The following HRH1 variants were observed in gnomAD, a reference collection of about 807,000 sequenced individuals.
HRH1 encodes histamine receptor H1, also known as histamine H1 receptor.
A neutral mutation model predicts 10.3 loss-of-function variants in HRH1; 6 were observed. The ratio of observed to expected loss-of-function variants is 0.58; its 90% CI spans 0.32 to 1.15. HRH1 has a LOEUF of 1.15. HRH1 is among the 50% of genes most tolerant of loss of function. The probability of loss-of-function intolerance (pLI) is 0.05; values close to 1 mark genes in which losing one functional copy is unlikely to be tolerated. For synonymous variants in HRH1, 242 were observed against 236.7 expected (o/e 1.02, Z -0.21); for missense variants, 514 against 615.3 (o/e 0.84, Z 1.74).
chr3:11,162,870 G>T (rs1574981983), intron 1 of HRH1, among the ~76,000 whole-genome samples: 2 of 152,228 alleles, frequency 1.3e-5, no homozygotes, highest in South Asian at 4.1e-4. Context: ...GTTTTGTTTT[G>T]TTTTTTGTAA....
At chr3:11,174,548 C>T (rs1031097578) in intron 1 of HRH1, among the ~76,000 whole-genome samples, 7 of 152,186 alleles carry the variant, frequency 4.6e-5, no homozygotes, top group South Asian at 2.1e-4. Context: ...AAGAGAAAAA[C>T]ACAGCTTCTG....
In HRH1 at chr3:11,219,950, G is replaced by T. The variant is rs200005764; in HGVS notation, c.-35-39053G>T. On this transcript the variant is annotated intron_variant, in intron 1 of 1. Transcript: ENST00000431010. ...TTTAATTGTGGTAACTTAATGTGTTGTTTTTTTTTTTTTTTTTTTTACAAT... is the reference window on the plus strand; with the variant it reads ...TTTAATTGTGGTAACTTAATGTGTTTTTTTTTTTTTTTTTTTTTTTACAAT... Among the ~76,000 whole-genome samples the T allele has an allele frequency of 2.4e-3, 267 of 110,170 alleles. 2 individuals carry two copies. The highest frequency in any genetic ancestry group is 0.01 in the Middle Eastern group (2 of 194). 72.3% of individuals were successfully genotyped at this position (110,170 alleles called of 152,430 possible). A position where few individuals can be genotyped will look rare whatever the true frequency, so the allele number is the denominator to read the frequency against.
intron 1 of HRH1, among the ~76,000 whole-genome samples, chr3:11,186,294 C>A (rs1453670642): frequency 2.0e-5 from 3 of 152,200 alleles, no homozygotes; most frequent in Non-Finnish European, 4.4e-5. Context: ...TGCTAAATTG[C>A]AGCCAAAGTG....
intron 1 of HRH1, among the ~76,000 whole-genome samples, chr3:11,192,398 G>A (rs879192027): frequency 6.6e-6 from 1 of 152,096 alleles, no homozygotes; most frequent in African/African-American, 2.4e-5. Context: ...ATGTTGTTGT[G>A]TATAGCTGTA....
intron 1 of HRH1, among the ~76,000 whole-genome samples, chr3:11,223,326 T>A (rs559157387): frequency 1.5e-5 from 2 of 130,434 alleles, no homozygotes; most frequent in Non-Finnish European, 3.1e-5. Flanking sequence ...ACCCCATCTC[T>A]ACTAAAAATA....
chr3:11,194,018 AATG>A (rs1432317404), intron 1 of HRH1, among the ~76,000 whole-genome samples: 1 of 152,236 alleles, frequency 6.6e-6, no homozygotes, highest in African/African-American at 2.4e-5. Context: ...GGGAAATAAA[AATG>A]ATGTTGCTGG....
intron 1 of HRH1, among the ~76,000 whole-genome samples, chr3:11,215,334 A>G (rs1280564707): frequency 1.3e-5 from 2 of 152,256 alleles, no homozygotes; most frequent in African/African-American, 4.8e-5. Context: ...GGAAACAACT[A>G]ACTTGGGACT....
At position 11,252,126 on chromosome 3, in the gene HRH1, C is replaced by T. The variant is rs527794125; in HGVS notation, c.-35-6877C>T. Among the ~76,000 whole-genome samples, 4 of 152,350 alleles carry T rather than the reference C, an allele frequency of 2.6e-5. 1 individual carries two copies. The South Asian group carries it at 6.2e-4, about 24-fold the overall frequency. ...TCTGGTAATTGCCAAATGATGGGGTCTGGCTCGTCTTGTGTGAGCTTTTTG... is the reference window on the plus strand; with the variant it reads ...TCTGGTAATTGCCAAATGATGGGGTTTGGCTCGTCTTGTGTGAGCTTTTTG... On this transcript the variant is annotated intron_variant, in intron 1 of 1. Coordinates refer to ENST00000431010, the MANE Select transcript of HRH1 (RefSeq NM_001098212.2).
chr3:11,146,846 G>T (rs184690135), intron 1 of HRH1, among the ~76,000 whole-genome samples: 7 of 152,334 alleles, frequency 4.6e-5, no homozygotes, highest in Admixed American at 2.6e-4. Context: ...CTGTGCACTT[G>T]AAAGGGGCTC....
chr3:11,221,269 G>A (rs1042018688), intron 1 of HRH1, among the ~76,000 whole-genome samples: 2 of 151,894 alleles, frequency 1.3e-5, no homozygotes, highest in African/African-American at 2.4e-5. Context: ...TCTGTAACAC[G>A]GGGCCAGGTG....
chr3:11,164,231 A>G (rs1160176378), intron 1 of HRH1, among the ~76,000 whole-genome samples: 2 of 152,212 alleles, frequency 1.3e-5, no homozygotes. Context: ...CATGCCTTAG[A>G]GAGCGACAGG....
Position 11,260,754 on chromosome 3 carries a change from G to T in HRH1, c.*253G>T. On this transcript the variant is annotated 3_prime_UTR_variant, in exon 2 of 2. Transcript: ENST00000431010. ...AAGTCAGACCTGTTTCTTGTAACTG[G>T]GTTCAAAAAGAAAAAAATAATAAAA... is the stretch of plus-strand genomic sequence containing the variant. 2.3e-6 allele frequency: 1 copy of T among 442,546 alleles called. No individual in the cohort carries two copies. The highest frequency in any genetic ancestry group is 4.1e-6 in the Non-Finnish European group (1 of 242,606). The allele number at this position is 442,546 out of a possible 1,614,324, so 27.4% of individuals were successfully genotyped here.
chr3:11,150,721 G>A (rs1037484568), upstream of HRH1, among the ~76,000 whole-genome samples: 2 of 152,060 alleles, frequency 1.3e-5, no homozygotes, highest in Non-Finnish European at 2.9e-5. Context: ...GGGCAACTTG[G>A]GCAAGTAACT....
intron 1 of HRH1, among the ~76,000 whole-genome samples, chr3:11,170,472 G>T (rs1489833195): frequency 6.6e-6 from 1 of 152,248 alleles, no homozygotes; most frequent in Non-Finnish European, 1.5e-5. Flanking sequence ...TGGGGACGAG[G>T]CATGCTCCAT....
rs557824597 is a variant in HRH1, at chr3:11,181,655, G to A, written c.-36+27101G>A. Among the ~76,000 whole-genome samples, 446 of 128,000 alleles carry A rather than the reference G, an allele frequency of 3.5e-3. 1 individual carries two copies. Among genetic ancestry groups the A allele is most frequent in the Non-Finnish European group, 5.1e-3 (327 of 64,432 alleles). 84.0% of individuals were successfully genotyped at this position (128,000 alleles called of 152,430 possible). Reference sequence around the variant, plus strand: ...TTTTTTTTTTTTTTTTTTTTGAGACGGAGTCTCGCTCCGTCGCCCAGGCTG... The same window carrying A: ...TTTTTTTTTTTTTTTTTTTTGAGACAGAGTCTCGCTCCGTCGCCCAGGCTG... On this transcript the variant is annotated intron_variant, in intron 1 of 1. Transcript: ENST00000431010.
At chr3:11,234,671 A>C (rs1939129559) in intron 1 of HRH1, 22 of 1,233,496 alleles carry the variant, frequency 1.8e-5, no homozygotes, top group Admixed American at 5.1e-5. Context: ...TCCTGCCGGC[A>C]GTAGGACATG....
chr3:11,174,362 G>C (rs1284475629), intron 1 of HRH1, among the ~76,000 whole-genome samples: 1 of 152,202 alleles, frequency 6.6e-6, no homozygotes, highest in Non-Finnish European at 1.5e-5. Flanking sequence ...GTCTTCTGAA[G>C]GTGGGAGAGG....
In HRH1 at chr3:11,260,047, G is replaced by A. The variant is rs771339563; in HGVS notation, c.1010G>A (p.Gly337Asp). The A allele has an allele frequency of 6.2e-7, 1 of 1,614,110 alleles. No individual in the cohort carries two copies. ...GGCCAGCTCAAGACAGATGAGCAGG[G>A]CCTGAACACACATGGGGCCAGCGAG... is the stretch of plus-strand genomic sequence containing the variant. ...SHGQLKTDEQ[G>D]LNTHGASEIS... Residue 337 changes from glycine (G) to aspartate (D), a missense_variant, in exon 2 of 2, where the codon GGC becomes GAC. By Grantham distance (94) the Gly-to-Asp change is moderately conservative. Coordinates refer to ENST00000431010, the MANE Select transcript of HRH1 (RefSeq NM_001098212.2).
chr3:11,259,057 C>T lies in HRH1; in HGVS notation c.20C>T (p.Ser7Phe). Reference sequence around the variant, plus strand: ...GCGCCAATGAGCCTCCCCAATTCCTCCTGCCTCTTAGAAGACAAGATGTGT... The same window carrying T: ...GCGCCAATGAGCCTCCCCAATTCCTTCTGCCTCTTAGAAGACAAGATGTGT... MSLPNSSCLLEDKMCEG... is the reference protein window; with the variant it reads MSLPNSFCLLEDKMCEG... The change falls in exon 2 of 2, where the codon TCC (serine) becomes TTC (phenylalanine). Residue 7 changes from serine (S) to phenylalanine (F), a missense_variant. Physicochemically the swap from Ser to Phe is radical, Grantham distance 155. Coordinates refer to ENST00000431010, the MANE Select transcript of HRH1 (RefSeq NM_001098212.2). The surrounding 1 kb of genome is among the most constrained non-coding windows in gnomAD (Gnocchi z 4.6). 4 of 1,604,336 alleles carry T rather than the reference C, an allele frequency of 2.5e-6. No homozygotes were observed. The highest frequency in any genetic ancestry group is 3.4e-6 in the Non-Finnish European group (4 of 1,174,884).
Sources: allele counts gnomAD v4.1 joint callset (sites outside exome capture counted in the v4.1 genomes callset), GRCh38; gene constraint gnomAD v4.1.1; non-coding constraint Gnocchi (gnomAD v3.1); transcripts MANE v1.5; gene names NCBI Gene and HGNC (gene_info 2026-07-23, HGNC 2026-07-21).